Variants in EFHC2 observed in about 807,000 individuals in gnomAD.
EFHC2 encodes the protein EF-hand domain containing 2.
A neutral mutation model predicts 52.7 loss-of-function variants in EFHC2; 18 were observed. The observed-to-expected ratio is 0.34, with a 90% CI of 0.24 to 0.51. The LOEUF (loss-of-function observed/expected upper bound fraction) is 0.51. Among genes scored for constraint, EFHC2 ranks in the 20% least tolerant of loss-of-function variants. The pLI is 0.97. For missense variants in EFHC2, 513 were observed against 562.5 expected (o/e 0.91, Z 0.89); for synonymous variants, 203 against 204.1 (o/e 0.99, Z 0.04).
At chrX:44,281,535 T>C (rs749200467) in intron 2 of EFHC2, among the ~76,000 whole-genome samples, 34 of 111,645 alleles carry the variant, frequency 3.0e-4, no homozygotes, top group African/African-American at 1.1e-3. Context: ...AACCCAAATA[T>C]CAGATGAAGT....
intron 1 of EFHC2, among the ~76,000 whole-genome samples, chrX:44,326,183 C>T (rs2147392785): frequency 9.1e-6 from 1 of 110,200 alleles, no homozygotes; most frequent in Admixed American, 9.8e-5. Flanking sequence ...CATGAGCCAC[C>T]ATGTCTGGCC....
At chrX:44,240,276 A>C (rs2037350442) in intron 8 of EFHC2, among the ~76,000 whole-genome samples, 1 of 111,800 alleles carries the variant, frequency 8.9e-6, no homozygotes, top group Non-Finnish European at 1.9e-5. Flanking sequence ...TATTCCTGGC[A>C]CAGATTGAGC....
intron 14 of EFHC2, among the ~76,000 whole-genome samples, chrX:44,149,799 T>C (rs1015837157): frequency 2.5e-4 from 28 of 112,358 alleles, no homozygotes; most frequent in African/African-American, 8.7e-4. Context: ...ATTACAGACG[T>C]GAACTGCTGC....
At chrX:44,173,589 T>C (rs1167161478) in intron 13 of EFHC2, among the ~76,000 whole-genome samples, 2 of 111,381 alleles carry the variant, frequency 1.8e-5, no homozygotes, top group Non-Finnish European at 3.8e-5. Flanking sequence ...TTTTCTAATC[T>C]GATTAGTCTG....
intron 7 of EFHC2, among the ~76,000 whole-genome samples, chrX:44,245,987 T>C (rs775856953): frequency 9.0e-6 from 1 of 111,509 alleles, no homozygotes; most frequent in East Asian, 2.8e-4. Context: ...ACAGTGGAGA[T>C]ACCCAGGTTT....
rs1569302796 is a variant in EFHC2, at chrX:44,294,510, A to G, written c.231+18058T>C. ...ACCTCCCAGTACATTGGATGATTTT[A>G]ATGGGATTTTAATGATCCCAAAGTA... is the stretch of plus-strand genomic sequence containing the variant. On this transcript the variant is annotated intron_variant, in intron 2 of 14. Coordinates refer to ENST00000420999, the MANE Select transcript of EFHC2 (RefSeq NM_025184.4). Among the ~76,000 whole-genome samples the G allele has an allele frequency of 3.6e-5, 4 of 111,196 alleles. No individual in the cohort carries two copies. The Admixed American group carries it at 3.9e-4, about 11-fold the overall frequency.
intron 1 of EFHC2, among the ~76,000 whole-genome samples, chrX:44,313,904 G>A (rs1304636936): frequency 9.0e-6 from 1 of 111,120 alleles, no homozygotes; most frequent in Non-Finnish European, 1.9e-5. Context: ...GCAGTGAGCC[G>A]AAATCATGCC....
intron 13 of EFHC2, among the ~76,000 whole-genome samples, chrX:44,165,554 T>G (rs996751690): frequency 8.9e-6 from 1 of 112,025 alleles, no homozygotes; most frequent in African/African-American, 3.2e-5. Context: ...AAAACTCAAT[T>G]AAAGATGTCT....
chrX:44,297,757 T>A (rs1257458757), intron 2 of EFHC2, among the ~76,000 whole-genome samples: 2 of 98,976 alleles, frequency 2.0e-5, no homozygotes, highest in African/African-American at 3.7e-5. Flanking sequence ...CCGATGATGA[T>A]GATGATGACA....
intron 2 of EFHC2, among the ~76,000 whole-genome samples, chrX:44,279,701 C>A (rs1355856455): frequency 9.1e-6 from 1 of 110,265 alleles, no homozygotes; most frequent in African/African-American, 3.3e-5. Context: ...AAGCTAATAA[C>A]CAAGTAAGCA....
chrX:44,218,928 G>A (rs1180549301), intron 11 of EFHC2, among the ~76,000 whole-genome samples: 1 of 110,944 alleles, frequency 9.0e-6, no homozygotes, highest in Non-Finnish European at 1.9e-5. Flanking sequence ...GCCCCAAATC[G>A]AAAACAACCC....
At chrX:44,232,795 T>C (rs1257632240) in intron 9 of EFHC2, 118 bp from the exon 10 acceptor site, 3 of 574,184 alleles carry the variant, frequency 5.2e-6, no homozygotes, top group Admixed American at 8.4e-5. Flanking sequence ...TGTGAACTCA[T>C]ATTGCCTGTT....
intron 2 of EFHC2, among the ~76,000 whole-genome samples, chrX:44,282,361 T>C (rs2037708790): frequency 9.7e-6 from 1 of 103,011 alleles, no homozygotes; most frequent in African/African-American, 3.6e-5. Flanking sequence ...CCCAGCACTT[T>C]GGGAGGCCGA....
intron 1 of EFHC2, among the ~76,000 whole-genome samples, chrX:44,325,899 T>G (rs1409357566): frequency 9.6e-6 from 1 of 104,450 alleles, no homozygotes; most frequent in East Asian, 2.9e-4. Context: ...CATTAAACTT[T>G]TTTTTTTTTT....
chrX:44,336,310 T>C (rs1265912672), intron 1 of EFHC2, among the ~76,000 whole-genome samples: 1 of 106,917 alleles, frequency 9.4e-6, no homozygotes, highest in African/African-American at 3.4e-5. Flanking sequence ...TAGCTTGAAC[T>C]GGGAGGCAGA....
At chrX:44,342,880 A>AAAAAAAAAAAG (rs1429762999) in intron 1 of EFHC2, among the ~76,000 whole-genome samples, 38 of 107,963 alleles carry the variant, frequency 3.5e-4, no homozygotes, top group African/African-American at 1.3e-3. Flanking sequence ...CGTCTCAAAA[A>AAAAAAAAAAAG]AAAAAAAAGA....
At chrX:44,208,190 A>T (rs377316357) in intron 11 of EFHC2, among the ~76,000 whole-genome samples, 1 of 112,055 alleles carries the variant, frequency 8.9e-6, no homozygotes. Context: ...TATCCAGTCC[A>T]CTGTTGATGG....
chrX:44,196,070 C>T (rs946895448), intron 11 of EFHC2, among the ~76,000 whole-genome samples: 1 of 111,427 alleles, frequency 9.0e-6, no homozygotes, highest in Non-Finnish European at 1.9e-5. Flanking sequence ...GTGTGCACCA[C>T]CATGTCCAGC....
intron 1 of EFHC2, among the ~76,000 whole-genome samples, chrX:44,318,011 T>C (rs1602214893): frequency 8.9e-6 from 1 of 112,284 alleles, no homozygotes; most frequent in African/African-American, 3.2e-5. Context: ...GATCCAGCAG[T>C]TGCACTTCTC....
Sources: gnomAD v4.1 joint callset for allele counts (sites outside exome capture counted in the v4.1 genomes callset) on GRCh38, gnomAD v4.1.1 for gene constraint, MANE v1.5 for transcripts, NCBI Gene and HGNC (gene_info 2026-07-23, HGNC 2026-07-21) for gene names.